The following CD2AP variants were observed in gnomAD, a reference collection of about 807,000 sequenced individuals.
CD2AP encodes CD2-associated protein.
CD2AP carries 46 observed loss-of-function variants against 85.1 expected under a neutral mutation model. The observed-to-expected ratio is 0.54, with a 90% confidence interval of 0.43 to 0.69. The LOEUF is 0.69. CD2AP is among the 30% of genes least tolerant of loss of function. The pLI, the probability that CD2AP is intolerant of heterozygous loss-of-function variation, is 0.00. For missense variants in CD2AP, 769 were observed against 729.5 expected, an observed-to-expected ratio of 1.05 and a Z score of -0.62; for synonymous variants, 255 against 252.9, an observed-to-expected ratio of 1.01 and a Z score of -0.08.
chr6:47,612,779 T>C (rs1349612476), intron 17 of CD2AP, among the ~76,000 whole-genome samples: 1 of 152,090 alleles, frequency 6.6e-6, no homozygotes, highest in East Asian at 1.9e-4. Flanking sequence ...TGTTCCCACT[T>C]ATTTGTGGGA....
At chr6:47,556,173 A>G (rs1261941773) in intron 5 of CD2AP, among the ~76,000 whole-genome samples, 1 of 150,944 alleles carries the variant, frequency 6.6e-6, no homozygotes, top group African/African-American at 2.4e-5. Context: ...CGTCATCTAC[A>G]TTAGGTATTT....
chr6:47,505,602 C>A (rs1300729335), intron 2 of CD2AP, among the ~76,000 whole-genome samples: 1 of 121,008 alleles, frequency 8.3e-6, no homozygotes, highest in Non-Finnish European at 1.8e-5. Context: ...CCGGACGGGG[C>A]GGCTGGCCGG....
At chr6:47,591,473 A>G (rs986004570) in intron 11 of CD2AP, among the ~76,000 whole-genome samples, 7 of 152,192 alleles carry the variant, frequency 4.6e-5, no homozygotes, top group African/African-American at 1.7e-4. Flanking sequence ...AATAGGTTCA[A>G]TTAAGAATAG....
rs1768323521 is a variant in CD2AP, at chr6:47,576,720, T to C, written c.808+118T>C. On this transcript the variant is annotated intron_variant, in intron 7 of 17. Transcript: ENST00000359314. ...TATTAGAATAGCAAATTCTATTAGATGTAAGCACCATGAGGTCAAGGATTT... is the reference window on the plus strand; with the variant it reads ...TATTAGAATAGCAAATTCTATTAGACGTAAGCACCATGAGGTCAAGGATTT... The C allele has an allele frequency of 6.2e-6, 5 of 806,336 alleles. No homozygotes were observed. The East Asian group carries it at 1.2e-4, about 20-fold the overall frequency. The allele number at this position is 806,336 out of a possible 1,614,324, so 49.9% of individuals were successfully genotyped here.
rs758753479 is a variant in CD2AP at position 47,525,523 on chromosome 6, A to T, written c.166-8079A>T. Among the ~76,000 whole-genome samples the T allele has an allele frequency of 1.9e-3, 289 of 152,206 alleles. 1 individual carries two copies. Among genetic ancestry groups the T allele is most frequent in the Non-Finnish European group, 3.3e-3 (223 of 67,976 alleles). ...ATGGAATACAAGTAAATTGCTTTCT[A>T]TTTTCAAATCATGATAATGGCCACA... On this transcript the variant is annotated intron_variant, in intron 2 of 17. Coordinates refer to ENST00000359314, the MANE Select transcript of CD2AP (RefSeq NM_012120.3).
intron 3 of CD2AP, among the ~76,000 whole-genome samples, chr6:47,539,979 G>A (rs1767163388): frequency 6.7e-6 from 1 of 150,260 alleles, no homozygotes; most frequent in Non-Finnish European, 1.5e-5. Context: ...AGGAGTTCAG[G>A]ACCAGCCTGA....
At chr6:47,513,544 T>G (rs1766372463) in intron 2 of CD2AP, among the ~76,000 whole-genome samples, 1 of 151,736 alleles carries the variant, frequency 6.6e-6, no homozygotes, top group South Asian at 2.1e-4. Context: ...ATTTTAGTGT[T>G]TTTTTTTCTC....
At chr6:47,610,971 A>ATATATATATATATATATTTT in intron 16 of CD2AP, among the ~76,000 whole-genome samples, 49 of 112,868 alleles carry the variant, frequency 4.3e-4, no homozygotes, top group Non-Finnish European at 5.5e-4. Flanking sequence ...ATATATATGT[A>ATATATATATATATATATTTT]TTTTTTTTTT....
chr6:47,561,545 G>T (rs1207900169), intron 5 of CD2AP, among the ~76,000 whole-genome samples: 1 of 151,792 alleles, frequency 6.6e-6, no homozygotes, highest in Non-Finnish European at 1.5e-5. Context: ...TTGCTACTGG[G>T]GTAATGCTTC....
At chr6:47,609,477 G>C in intron 16 of CD2AP, 173 bp downstream of exon 16, 1 of 349,708 alleles carries the variant, frequency 2.9e-6, no homozygotes, top group East Asian at 4.6e-5. Context: ...AGGAGTTCGA[G>C]ACCAGCCTGG....
intron 2 of CD2AP, among the ~76,000 whole-genome samples, chr6:47,514,627 T>G (rs1423829015): frequency 6.6e-6 from 1 of 152,254 alleles, no homozygotes; most frequent in Non-Finnish European, 1.5e-5. Flanking sequence ...TCCCACAATT[T>G]ATTTTATTGG....
At chr6:47,484,764 G>A (rs1323157202) in intron 1 of CD2AP, among the ~76,000 whole-genome samples, 1 of 152,132 alleles carries the variant, frequency 6.6e-6, no homozygotes, top group Non-Finnish European at 1.5e-5. Flanking sequence ...CTGTTTTAGT[G>A]CCTTATTAGT....
intron 11 of CD2AP, among the ~76,000 whole-genome samples, chr6:47,588,764 A>G (rs1481676659): frequency 6.6e-6 from 1 of 152,094 alleles, no homozygotes; most frequent in Non-Finnish European, 1.5e-5. Flanking sequence ...TCTTGTGATC[A>G]CAAGAATGCT....
chr6:47,582,943 C>T (rs1334847919), intron 11 of CD2AP, among the ~76,000 whole-genome samples: 9 of 151,870 alleles, frequency 5.9e-5, no homozygotes, highest in South Asian at 2.1e-4. Flanking sequence ...CCACCACGCC[C>T]GGCTAATTTT....
At chr6:47,517,142 C>A (rs1012499775) in intron 2 of CD2AP, among the ~76,000 whole-genome samples, 50 of 152,158 alleles carry the variant, frequency 3.3e-4, no homozygotes, top group African/African-American at 1.2e-3. Context: ...CCTCCTCTTT[C>A]TCTTGTTCCT....
chr6:47,594,007 T>C (rs1421233616), intron 11 of CD2AP, among the ~76,000 whole-genome samples: 1 of 152,072 alleles, frequency 6.6e-6, no homozygotes, highest in Non-Finnish European at 1.5e-5. Flanking sequence ...GCTAAACTGC[T>C]AAAACATTGG....
Position 47,532,813 on chromosome 6 carries a change from A to G in CD2AP, c.166-789A>G, listed in dbSNP as rs367796574. On this transcript the variant is annotated intron_variant, in intron 2 of 17. Coordinates refer to ENST00000359314, the MANE Select transcript of CD2AP (RefSeq NM_012120.3). ...TTGTGTATTTGAATTGCATTGATAT[A>G]TTACATCAATTTTAAGGGAGAACTG... is the stretch of plus-strand genomic sequence containing the variant. Among the ~76,000 whole-genome samples the G allele has an allele frequency of 3.6e-3, 549 of 152,338 alleles. 2 individuals are homozygous for G. Among genetic ancestry groups the G allele is most frequent in the African/African-American group, 0.013 (526 of 41,578 alleles).
chr6:47,478,576 C>T (rs1456429458), intron 1 of CD2AP, among the ~76,000 whole-genome samples: 1 of 152,218 alleles, frequency 6.6e-6, no homozygotes, highest in African/African-American at 2.4e-5. Flanking sequence ...CCTGACCTTC[C>T]TTCCCTTCCT....
At chr6:47,512,430 C>T (rs910416324) in intron 2 of CD2AP, among the ~76,000 whole-genome samples, 3 of 152,164 alleles carry the variant, frequency 2.0e-5, no homozygotes, top group African/African-American at 7.2e-5. Flanking sequence ...TTGTAAAAAA[C>T]TCACGTCCCT....
Sources: allele counts gnomAD v4.1 joint callset (sites outside exome capture counted in the v4.1 genomes callset), GRCh38; gene constraint gnomAD v4.1.1; transcripts MANE v1.5; gene names NCBI Gene and HGNC (gene_info 2026-07-23, HGNC 2026-07-21).